The following NIBAN1 variants were observed in gnomAD, a reference collection of about 807,000 sequenced individuals.
NIBAN1 encodes protein Niban 1.
Under a neutral mutation model 75.1 loss-of-function variants are expected in NIBAN1, and 81 were observed. The observed-to-expected ratio is 1.08, with a 90% CI of 0.90 to 1.30. NIBAN1 has a LOEUF of 1.30. NIBAN1 is among the 50% of genes most tolerant of loss of function. The pLI, the probability that NIBAN1 is intolerant of heterozygous loss-of-function variation, is 0.00. For missense variants in NIBAN1, 1,133 were observed against 1,128.1 expected, an observed-to-expected ratio of 1.00 and a Z score of -0.06; for synonymous variants, 436 against 424.8, an observed-to-expected ratio of 1.03 and a Z score of -0.32.
intron 1 of NIBAN1, among the ~76,000 whole-genome samples, chr1:184,960,775 C>T (rs1658614572): frequency 1.3e-5 from 2 of 152,070 alleles, no homozygotes; most frequent in South Asian, 2.1e-4. Context: ...ACTATAGGCA[C>T]GTGTGCCACC....
chr1:184,823,577 A>G, intron 7 of NIBAN1, 61 bp downstream of exon 7: 1 of 1,564,770 alleles, frequency 6.4e-7, no homozygotes, highest in Non-Finnish European at 8.8e-7. Context: ...GCCCTAAAAG[A>G]AAAGGGAAGA....
chr1:184,834,214 T>G lies in NIBAN1; in HGVS notation c.602-2252A>C, dbSNP rs183002180. Among the ~76,000 whole-genome samples, 285 of 152,356 alleles carry G rather than the reference T, an allele frequency of 1.9e-3. 1 individual carries two copies. The highest frequency in any genetic ancestry group is 6.6e-3 in the African/African-American group (275 of 41,568). On this transcript the variant is annotated intron_variant, in intron 5 of 13. Transcript: ENST00000367511. ...CATCCTTTTTTATGGCTGCATAGTA[T>G]TCCATGGTGTATATGTGCCACATTT...
intron 1 of NIBAN1, among the ~76,000 whole-genome samples, chr1:184,973,669 A>C (rs1355220193): frequency 1.3e-5 from 2 of 152,118 alleles, no homozygotes; most frequent in African/African-American, 4.8e-5. Flanking sequence ...TCCCTAAATG[A>C]GTTTCTCCCC....
chr1:184,813,242 T>G (rs536808749), intron 9 of NIBAN1, among the ~76,000 whole-genome samples: 1 of 152,348 alleles, frequency 6.6e-6, no homozygotes, highest in African/African-American at 2.4e-5. Context: ...TTGTGTGTAA[T>G]GTTTATATAA....
At chr1:184,815,341 G>T (rs1260716213) in intron 9 of NIBAN1, among the ~76,000 whole-genome samples, 1 of 152,118 alleles carries the variant, frequency 6.6e-6, no homozygotes, top group Non-Finnish European at 1.5e-5. Flanking sequence ...GACTGTCATT[G>T]CCCTCCACAC....
At chr1:184,828,868 C>T (rs7521888) in intron 6 of NIBAN1, among the ~76,000 whole-genome samples, 14,142 of 151,708 alleles carry the variant, frequency 0.093, 2,150 homozygotes, top group African/African-American at 0.32. Context: ...ACAATCACAG[C>T]TCACTGCATC....
intron 8 of NIBAN1, 112 bp from the exon 9 acceptor site, chr1:184,818,937 C>G (rs936613412): frequency 2.2e-4 from 278 of 1,239,322 alleles, no homozygotes; most frequent in African/African-American, 1.8e-3. Context: ...ACAGCCAAGG[C>G]AAGCTCAAGA....
At chr1:184,912,536 G>A (rs951024268) in intron 1 of NIBAN1, among the ~76,000 whole-genome samples, 2 of 152,066 alleles carry the variant, frequency 1.3e-5, no homozygotes, top group Non-Finnish European at 2.9e-5. Flanking sequence ...ATTTTTGCCT[G>A]TTTCAACAGG....
chr1:184,818,949 G>T, intron 8 of NIBAN1, 124 bp from the exon 9 acceptor site: 1 of 1,054,904 alleles, frequency 9.5e-7, no homozygotes, highest in Non-Finnish European at 1.3e-6. Flanking sequence ...AGCTCAAGAG[G>T]CCATGACAGA....
At chr1:184,913,581 T>C (rs2102008474) in intron 1 of NIBAN1, among the ~76,000 whole-genome samples, 1 of 152,340 alleles carries the variant, frequency 6.6e-6, no homozygotes, top group African/African-American at 2.4e-5. Flanking sequence ...ATAATTGATA[T>C]TGTACTTATA....
At chr1:184,883,488 C>T (rs1656429288) in intron 5 of NIBAN1, among the ~76,000 whole-genome samples, 1 of 152,196 alleles carries the variant, frequency 6.6e-6, no homozygotes, top group Admixed American at 6.5e-5. Context: ...ACAAAGAGCG[C>T]AGTTATCTGT....
At chr1:184,963,014 T>C (rs116751809) in intron 1 of NIBAN1, among the ~76,000 whole-genome samples, 2,201 of 152,110 alleles carry the variant, frequency 0.014, 47 homozygotes, top group African/African-American at 0.048. Context: ...CAACCCCCAA[T>C]AAATTTTTTT....
At chr1:184,871,347 C>CAAAA (rs10658216) in intron 5 of NIBAN1, among the ~76,000 whole-genome samples, 40 of 34,584 alleles carry the variant, frequency 1.2e-3, no homozygotes, top group Non-Finnish European at 3.5e-3. Flanking sequence ...AACTCTATCT[C>CAAAA]AAAAAAAAAA....
chr1:184,794,933 C>A lies in NIBAN1; in HGVS notation c.*44G>T, dbSNP rs581100. ...CAACCCCTAAGTGTACCCCTATAAC[C>A]CTTTGGCTTTTTTCAGAGAAAGACT... On this transcript the variant is annotated 3_prime_UTR_variant, in exon 14 of 14. Coordinates refer to ENST00000367511, the MANE Select transcript of NIBAN1 (RefSeq NM_052966.4). 10 of 1,601,440 alleles carry A rather than the reference C, an allele frequency of 6.2e-6. No homozygotes were observed. The East Asian group carries it at 8.9e-5, about 14-fold the overall frequency.
At chr1:184,882,080 A>G (rs184975558) in intron 5 of NIBAN1, among the ~76,000 whole-genome samples, 6 of 152,256 alleles carry the variant, frequency 3.9e-5, no homozygotes. Context: ...CTGAGAGTCA[A>G]TGAAACAATG....
intron 5 of NIBAN1, among the ~76,000 whole-genome samples, chr1:184,852,622 C>T (rs1655571375): frequency 6.6e-6 from 1 of 152,176 alleles, no homozygotes; most frequent in African/African-American, 2.4e-5. Context: ...TCTGCTTTCT[C>T]AGCTATGAAA....
At chr1:184,941,468 G>A (rs1410885704) in intron 1 of NIBAN1, among the ~76,000 whole-genome samples, 1 of 151,940 alleles carries the variant, frequency 6.6e-6, no homozygotes, top group Non-Finnish European at 1.5e-5. Flanking sequence ...TGAGCAACAT[G>A]GAAAAACCCT....
intron 1 of NIBAN1, among the ~76,000 whole-genome samples, chr1:184,959,223 G>T (rs1230290993): frequency 6.6e-6 from 1 of 152,164 alleles, no homozygotes; most frequent in Non-Finnish European, 1.5e-5. Context: ...TCAGTTCTCT[G>T]CAGGCTACTT....
chr1:184,804,311 T>C (rs1468635376), intron 11 of NIBAN1, among the ~76,000 whole-genome samples: 7 of 152,172 alleles, frequency 4.6e-5, no homozygotes, highest in East Asian at 1.9e-4. Flanking sequence ...AAGTGAAGAA[T>C]AGTTAAAGAG....
Sources: gnomAD v4.1 joint callset for allele counts (sites outside exome capture counted in the v4.1 genomes callset) on GRCh38, gnomAD v4.1.1 for gene constraint, MANE v1.5 for transcripts, NCBI Gene and HGNC (gene_info 2026-07-23, HGNC 2026-07-21) for gene names.